The following CELF2 variants were observed in gnomAD, a reference collection of about 807,000 sequenced individuals.
The protein encoded by CELF2 is CUG triplet repeat RNA-binding protein 2.
A neutral mutation model predicts 62.6 loss-of-function variants in CELF2; 8 were observed. That is an observed-to-expected ratio of 0.13 (90% CI 0.07 to 0.23). CELF2 has a LOEUF of 0.23. Among genes scored for constraint, CELF2 ranks in the 10% least tolerant of loss-of-function variants. The pLI, the probability that CELF2 is intolerant of heterozygous loss-of-function variation, is 1.00. For missense variants in CELF2, 333 were observed against 671.0 expected, an observed-to-expected ratio of 0.50 and a Z score of 5.56; for synonymous variants, 258 against 250.0, an observed-to-expected ratio of 1.03 and a Z score of -0.30.
chr10:10,840,463 CA>C (rs2058606440), intron 1 of CELF2, among the ~76,000 whole-genome samples: 1 of 152,138 alleles, frequency 6.6e-6, no homozygotes, highest in African/African-American at 2.4e-5. Context: ...TGACAAATGA[CA>C]GTGGATATCT....
chr10:10,818,328 C>G (rs2131899704), intron 1 of CELF2, among the ~76,000 whole-genome samples: 1 of 152,114 alleles, frequency 6.6e-6, no homozygotes, highest in Non-Finnish European at 1.5e-5. Context: ...AGCAGAGGAC[C>G]CAAGCAGATC....
rs1215730767 is a variant in CELF2 at position 11,336,329 on chromosome 10, TTTCTC to T, written c.*7277_*7281del. 2 of 152,702 alleles carry T rather than the reference TTTCTC, an allele frequency of 1.3e-5. No homozygotes were observed. The highest frequency in any genetic ancestry group is 2.9e-5 in the Non-Finnish European group (2 of 68,048). The allele number at this position is 152,702 out of a possible 1,614,324, so 9.5% of individuals were successfully genotyped here. On this transcript the variant is annotated 3_prime_UTR_variant, in exon 13 of 13. Coordinates refer to ENST00000633077, the MANE Select transcript of CELF2 (RefSeq NM_001326342.2). The surrounding 1 kb of genome is among the most constrained non-coding windows in gnomAD (Gnocchi z 5.4). ...GTTCACTATTTTTGCTGTGTTCTGT[TTTCTC>T]CTCTCATGCTTGGGCAAATCACTGG...
the CELF2 span, among the ~76,000 whole-genome samples, chr10:10,658,970 T>C: frequency 6.6e-6 from 1 of 152,082 alleles, no homozygotes; most frequent in Non-Finnish European, 1.5e-5. Flanking sequence ...TTACCCAGAG[T>C]TGAACTCATA....
chr10:10,855,064 G>A (rs190297300), intron 1 of CELF2, among the ~76,000 whole-genome samples: 2 of 152,198 alleles, frequency 1.3e-5, no homozygotes, highest in Admixed American at 1.3e-4. Context: ...CCAAGCATCG[G>A]GTCCACCAGC....
chr10:11,097,580 CG>C (rs1429701229), intron 1 of CELF2, among the ~76,000 whole-genome samples: 3 of 152,176 alleles, frequency 2.0e-5, no homozygotes, highest in African/African-American at 7.2e-5. Flanking sequence ...TTGAGTGCTC[CG>C]GTTCAATAGT....
chr10:10,548,180 C>T, the CELF2 span, among the ~76,000 whole-genome samples: 4 of 152,326 alleles, frequency 2.6e-5, no homozygotes, highest in African/African-American at 4.8e-5. Context: ...CCAGTTCCCT[C>T]GTCTCTTAAA....
rs142930169 is a variant in CELF2 at position 10,878,858 on chromosome 10, G to A, written c.54-41106G>A. Among the ~76,000 whole-genome samples, 487 of 152,338 alleles carry A rather than the reference G, an allele frequency of 3.2e-3. 8 individuals carry two copies. In the East Asian group the frequency reaches 0.042, roughly 13 times the overall value. ...TTCTCGTCTCTGCCAAGCTCTGGGT[G>A]AAGATCAGGGCCAGGGGAAATGAAG... On this transcript the variant is annotated intron_variant, in intron 1 of 13. Transcript: ENST00000636488.
chr10:10,464,117 GC>G, the CELF2 span, among the ~76,000 whole-genome samples: 5 of 151,936 alleles, frequency 3.3e-5, no homozygotes, highest in Non-Finnish European at 7.4e-5. Flanking sequence ...GAACCATGCC[GC>G]CCCTGGGTCC....
At chr10:10,909,140 C>T (rs1370663840) in intron 1 of CELF2, among the ~76,000 whole-genome samples, 1 of 152,106 alleles carries the variant, frequency 6.6e-6, no homozygotes, top group African/African-American at 2.4e-5. Context: ...GAGGGGAGCC[C>T]CATGTTCTGA....
intron 2 of CELF2, among the ~76,000 whole-genome samples, chr10:11,184,119 T>C (rs959742445): frequency 6.6e-6 from 1 of 152,250 alleles, no homozygotes; most frequent in African/African-American, 2.4e-5. Flanking sequence ...AGTTCATCTT[T>C]TTGCATGTGG....
chr10:11,069,774 T>C (rs1018649362), intron 1 of CELF2, among the ~76,000 whole-genome samples: 3 of 152,212 alleles, frequency 2.0e-5, no homozygotes, highest in African/African-American at 7.2e-5. Flanking sequence ...AAGCCAGGAA[T>C]ATGGCTGTCC....
intron 2 of CELF2, among the ~76,000 whole-genome samples, chr10:10,962,738 T>A (rs1235813358): frequency 2.5e-4 from 38 of 152,126 alleles, no homozygotes; most frequent in Admixed American, 2.5e-3. Flanking sequence ...AAAAATTAAA[T>A]GTCTTTTTCA....
At chr10:10,783,842 G>C in the CELF2 span, among the ~76,000 whole-genome samples, 1 of 152,128 alleles carries the variant, frequency 6.6e-6, no homozygotes, top group African/African-American at 2.4e-5. Flanking sequence ...AAAAAAAGTA[G>C]CTGGGCGTGG....
At chr10:10,487,243 T>C in the CELF2 span, among the ~76,000 whole-genome samples, 13 of 152,206 alleles carry the variant, frequency 8.5e-5, no homozygotes, top group South Asian at 2.1e-4. Context: ...GTTGCCAATG[T>C]TTTACTTATA....
intron 2 of CELF2, among the ~76,000 whole-genome samples, chr10:11,179,754 C>A (rs1221460642): frequency 6.6e-6 from 1 of 152,088 alleles, no homozygotes; most frequent in Non-Finnish European, 1.5e-5. Context: ...TTTCTTTCCC[C>A]CCTGAAGGCT....
the CELF2 span, among the ~76,000 whole-genome samples, chr10:10,522,046 C>T: frequency 3.9e-5 from 6 of 152,170 alleles, no homozygotes; most frequent in Non-Finnish European, 8.8e-5. Context: ...CTGGTGAAGT[C>T]ACCTTTATCT....
intron 1 of CELF2, among the ~76,000 whole-genome samples, chr10:11,151,140 T>A (rs2063262780): frequency 6.6e-6 from 1 of 152,236 alleles, no homozygotes; most frequent in Admixed American, 6.5e-5. Context: ...CACCCAGTTT[T>A]TAGTAGTATA....
At position 11,108,524 on chromosome 10, in the gene CELF2, T is replaced by A. The variant is rs558341307; in HGVS notation, c.75-56962T>A. Among the ~76,000 whole-genome samples the A allele has an allele frequency of 1.1e-3, 172 of 152,250 alleles. 1 individual carries two copies. Among genetic ancestry groups the A allele is most frequent in the Non-Finnish European group, 9.1e-4 (62 of 68,020 alleles). On this transcript the variant is annotated intron_variant, in intron 1 of 12. Coordinates refer to ENST00000633077, the MANE Select transcript of CELF2 (RefSeq NM_001326342.2). ...CAGCGGCCTCCCAGTCCCAGATACT[T>A]CCCATAGTGCTGCAGTGAATGCACA...
chr10:10,517,456 T>C, the CELF2 span, among the ~76,000 whole-genome samples: 3 of 152,180 alleles, frequency 2.0e-5, no homozygotes, highest in Admixed American at 6.5e-5. Flanking sequence ...ACCCTGACCC[T>C]GGTCAGCTCC....
Sources: gnomAD v4.1 joint callset for allele counts (sites outside exome capture counted in the v4.1 genomes callset) on GRCh38, gnomAD v4.1.1 for gene constraint, Gnocchi (gnomAD v3.1) non-coding constraint, MANE v1.5 for transcripts, NCBI Gene and HGNC (gene_info 2026-07-23, HGNC 2026-07-21) for gene names.